The following TNFRSF13B variants were observed in gnomAD, a reference collection of about 807,000 sequenced individuals.
TNFRSF13B encodes tumor necrosis factor receptor superfamily member 13B.
In TNFRSF13B, 34 loss-of-function variants were observed where a neutral mutation model predicts 24.0. That is an observed-to-expected ratio of 1.41 (90% CI 1.08 to 1.88). The LOEUF (loss-of-function observed/expected upper bound fraction) is 1.88. Among genes scored for constraint, TNFRSF13B ranks in the 40% most tolerant of loss-of-function variants. The pLI is 0.00. For missense variants in TNFRSF13B, 415 were observed against 380.8 expected (o/e 1.09, Z -0.75); for synonymous variants, 173 against 150.3 (o/e 1.15, Z -1.10).
At chr17:16,949,189 T>A (rs989427371) in intron 2 of TNFRSF13B, among the ~76,000 whole-genome samples, 2 of 152,252 alleles carry the variant, frequency 1.3e-5, no homozygotes, top group Non-Finnish European at 2.9e-5. Flanking sequence ...TGCATTTTGA[T>A]GTGTAGTATT....
intron 1 of TNFRSF13B, among the ~76,000 whole-genome samples, chr17:16,955,568 T>C (rs2087619107): frequency 6.6e-6 from 1 of 152,192 alleles, no homozygotes; most frequent in Non-Finnish European, 1.5e-5. Context: ...GGTTGACTAA[T>C]GATTGGAAGG....
intron 3 of TNFRSF13B, chr17:16,941,578 C>A (rs2087510394): frequency 1.0e-6 from 1 of 987,476 alleles, no homozygotes; most frequent in Non-Finnish European, 1.2e-6. Context: ...CCTTCATCTT[C>A]CCGCTCTGAT....
chr17:16,954,558 A>G (rs2087612400), intron 1 of TNFRSF13B, among the ~76,000 whole-genome samples: 1 of 152,236 alleles, frequency 6.6e-6, no homozygotes, highest in African/African-American at 2.4e-5. Context: ...TGTCTCTAAC[A>G]TTCTGGGAGA....
chr17:16,971,337 A>G (rs940780029), intron 1 of TNFRSF13B, among the ~76,000 whole-genome samples: 2 of 149,292 alleles, frequency 1.3e-5, no homozygotes, highest in African/African-American at 2.5e-5. Flanking sequence ...TGACAGAGCA[A>G]GACTCTGTCT....
At chr17:16,957,784 A>C (rs8082017) in intron 1 of TNFRSF13B, among the ~76,000 whole-genome samples, 18,671 of 152,040 alleles carry the variant, frequency 0.12, 1,259 homozygotes, top group East Asian at 0.22. Context: ...AGGAGAAATT[A>C]TGACTTTTCC....
At chr17:16,966,941 C>T (rs1051887234) in intron 1 of TNFRSF13B, among the ~76,000 whole-genome samples, 10 of 143,342 alleles carry the variant, frequency 7.0e-5, no homozygotes, top group Non-Finnish European at 1.2e-4. Flanking sequence ...TGGGTTCAAG[C>T]GATTCTCTTG....
At chr17:16,949,722 G>A (rs2087575142) in intron 2 of TNFRSF13B, among the ~76,000 whole-genome samples, 1 of 145,572 alleles carries the variant, frequency 6.9e-6, no homozygotes. Context: ...TTTCGCTCCT[G>A]TCACCCAGGC....
At chr17:16,941,918 C>G (rs921653761) in intron 3 of TNFRSF13B, among the ~76,000 whole-genome samples, 1 of 152,150 alleles carries the variant, frequency 6.6e-6, no homozygotes, top group Non-Finnish European at 1.5e-5. Context: ...CAAGGTCCAC[C>G]ATGTCCTGCC....
chr17:16,969,631 T>G (rs1272683600), intron 1 of TNFRSF13B, among the ~76,000 whole-genome samples: 1 of 152,172 alleles, frequency 6.6e-6, no homozygotes, highest in Admixed American at 6.5e-5. Context: ...GTAAATATAC[T>G]AAAAACACAG....
chr17:16,943,890 C>A (rs1488328293), intron 3 of TNFRSF13B, among the ~76,000 whole-genome samples: 1 of 152,090 alleles, frequency 6.6e-6, no homozygotes, highest in Non-Finnish European at 1.5e-5. Flanking sequence ...ACTCCCTGCA[C>A]CTGCCCCGGA....
chr17:16,964,985 A>G (rs1226713630), intron 1 of TNFRSF13B, among the ~76,000 whole-genome samples: 2 of 152,142 alleles, frequency 1.3e-5, no homozygotes, highest in African/African-American at 2.4e-5. Context: ...GGCCCAAGAC[A>G]TGGCTGCTGC....
At chr17:16,950,847 G>A (rs1160172759) in intron 2 of TNFRSF13B, among the ~76,000 whole-genome samples, 1 of 151,932 alleles carries the variant, frequency 6.6e-6, no homozygotes, top group African/African-American at 2.4e-5. Flanking sequence ...CTTTCTTCCA[G>A]GTGCCCATCT....
intron 1 of TNFRSF13B, among the ~76,000 whole-genome samples, chr17:16,959,195 G>A (rs1040517945): frequency 6.6e-6 from 1 of 151,950 alleles, no homozygotes; most frequent in Non-Finnish European, 1.5e-5. Flanking sequence ...TCACAAATAT[G>A]TGTAAATTAA....
intron 1 of TNFRSF13B, among the ~76,000 whole-genome samples, chr17:16,960,154 T>C (rs2087652164): frequency 6.6e-6 from 1 of 152,164 alleles, no homozygotes; most frequent in African/African-American, 2.4e-5. Flanking sequence ...ATAATAAAAC[T>C]TAGTGGTCTT....
At chr17:16,950,500 C>A (rs1013106981) in intron 2 of TNFRSF13B, among the ~76,000 whole-genome samples, 4 of 152,202 alleles carry the variant, frequency 2.6e-5, no homozygotes, top group East Asian at 1.9e-4. Context: ...GGAATTGGGA[C>A]CTTAGGGAAA....
intron 1 of TNFRSF13B, among the ~76,000 whole-genome samples, chr17:16,964,267 G>A (rs2087683888): frequency 6.6e-6 from 1 of 151,140 alleles, no homozygotes; most frequent in African/African-American, 2.4e-5. Context: ...AGACCCCCCT[G>A]CCTGCTCCCA....
chr17:16,952,033 T>A (rs1231596052), intron 2 of TNFRSF13B, among the ~76,000 whole-genome samples: 4 of 152,224 alleles, frequency 2.6e-5, no homozygotes, highest in Non-Finnish European at 5.9e-5. Flanking sequence ...CTGTCCTCTC[T>A]ATGTACATGT....
At chr17:16,953,142 T>C (rs1170696889) in intron 1 of TNFRSF13B, among the ~76,000 whole-genome samples, 1 of 152,176 alleles carries the variant, frequency 6.6e-6, no homozygotes, top group Non-Finnish European at 1.5e-5. Context: ...GCTCCTACAC[T>C]AACTGTGAGC....
At chr17:16,956,620 T>C (rs1225965831) in intron 1 of TNFRSF13B, among the ~76,000 whole-genome samples, 1 of 152,236 alleles carries the variant, frequency 6.6e-6, no homozygotes, top group Non-Finnish European at 1.5e-5. Flanking sequence ...AACCAAAATG[T>C]CCTTCAGTAG....
Sources: allele counts gnomAD v4.1 joint callset (sites outside exome capture counted in the v4.1 genomes callset), GRCh38; gene constraint gnomAD v4.1.1; transcripts MANE v1.5; gene names NCBI Gene and HGNC (gene_info 2026-07-23, HGNC 2026-07-21).